Variants in PRKCA observed in about 807,000 individuals in gnomAD.
The protein encoded by PRKCA is protein kinase C alpha.
A neutral mutation model predicts 87.0 loss-of-function variants in PRKCA; 27 were observed. The ratio of observed to expected loss-of-function variants is 0.31; its 90% CI spans 0.23 to 0.43. The LOEUF (loss-of-function observed/expected upper bound fraction) is 0.43. PRKCA is among the 20% of genes least tolerant of loss of function. The probability of loss-of-function intolerance (pLI) is 1.00; values close to 1 mark genes in which losing one functional copy is unlikely to be tolerated. For synonymous variants in PRKCA, 329 were observed against 311.1 expected, an observed-to-expected ratio of 1.06 and a Z score of -0.61; for missense variants, 518 against 852.3, an observed-to-expected ratio of 0.61 and a Z score of 4.88.
At chr17:66,387,999 C>T (rs987308579) in intron 2 of PRKCA, among the ~76,000 whole-genome samples, 6 of 152,194 alleles carry the variant, frequency 3.9e-5, no homozygotes, top group Non-Finnish European at 5.9e-5. Context: ...TTGGCATTTT[C>T]CTTTCCTGGT....
At chr17:66,797,217 A>G (rs1423781956) in intron 16 of PRKCA, among the ~76,000 whole-genome samples, 2 of 152,144 alleles carry the variant, frequency 1.3e-5, no homozygotes, top group East Asian at 3.9e-4. Flanking sequence ...TCACAGAATG[A>G]AAGGGGCTGT....
chr17:66,621,475 A>G (rs764758705), intron 3 of PRKCA, among the ~76,000 whole-genome samples: 7 of 152,192 alleles, frequency 4.6e-5, no homozygotes, highest in Non-Finnish European at 1.0e-4. Flanking sequence ...TAATCAATTC[A>G]ATCATACCAC....
chr17:66,640,870 C>T (rs1971275014), intron 3 of PRKCA: 2 of 425,668 alleles, frequency 4.7e-6, no homozygotes, highest in Admixed American at 2.6e-5. Flanking sequence ...TATATTAAAA[C>T]ATGATGCGGG....
At chr17:66,652,762 T>G (rs1179140427) in intron 5 of PRKCA, among the ~76,000 whole-genome samples, 2 of 152,134 alleles carry the variant, frequency 1.3e-5, no homozygotes, top group East Asian at 1.9e-4. Context: ...TCTGTAGAGG[T>G]CATTCTTGGC....
intron 5 of PRKCA, among the ~76,000 whole-genome samples, chr17:66,673,507 ATTCTTG>A (rs1372895629): frequency 9.2e-5 from 14 of 152,352 alleles, no homozygotes; most frequent in Admixed American, 7.2e-4. Flanking sequence ...GTATCTCATT[ATTCTTG>A]CCTTTGTCTC....
intron 3 of PRKCA, among the ~76,000 whole-genome samples, chr17:66,630,743 G>A (rs775973509): frequency 6.6e-6 from 1 of 152,218 alleles, no homozygotes; most frequent in Admixed American, 6.5e-5. Context: ...CAAGGTGGAC[G>A]GTTTCATTGG....
At chr17:66,670,818 C>A (rs1201839958) in intron 5 of PRKCA, among the ~76,000 whole-genome samples, 2 of 151,910 alleles carry the variant, frequency 1.3e-5, no homozygotes, top group Non-Finnish European at 2.9e-5. Context: ...GCCATGATCA[C>A]ACTACTACAC....
chr17:66,641,225 G>A, intron 3 of PRKCA, 130 bp from the exon 4 acceptor site: 1 of 574,916 alleles, frequency 1.7e-6, no homozygotes, highest in Non-Finnish European at 3.2e-6. Flanking sequence ...TGACTCCAGA[G>A]AATGATGCAC....
At chr17:66,766,101 G>A (rs1021326619) in intron 13 of PRKCA, among the ~76,000 whole-genome samples, 1 of 152,190 alleles carries the variant, frequency 6.6e-6, no homozygotes, top group East Asian at 1.9e-4. Flanking sequence ...CTGAGCAGGC[G>A]GGCTCTATGC....
chr17:66,634,621 A>T (rs1356727476), intron 3 of PRKCA, among the ~76,000 whole-genome samples: 1 of 152,180 alleles, frequency 6.6e-6, no homozygotes, highest in Admixed American at 6.5e-5. Context: ...TTTGTTAAGG[A>T]TTTAGTAGTT....
intron 2 of PRKCA, among the ~76,000 whole-genome samples, chr17:66,488,257 T>C (rs1465435911): frequency 1.3e-5 from 2 of 152,220 alleles, no homozygotes; most frequent in Non-Finnish European, 2.9e-5. Flanking sequence ...TAAAAGCGTG[T>C]ATGATATGAC....
intron 13 of PRKCA, among the ~76,000 whole-genome samples, chr17:66,749,759 C>T (rs1974388801): frequency 6.6e-6 from 1 of 152,084 alleles, no homozygotes; most frequent in South Asian, 2.1e-4. Context: ...CGCAGGAGGA[C>T]AGAGATGAAG....
chr17:66,414,505 G>A (rs1912018735), intron 2 of PRKCA, among the ~76,000 whole-genome samples: 1 of 152,112 alleles, frequency 6.6e-6, no homozygotes, highest in African/African-American at 2.4e-5. Flanking sequence ...CCAGTCTCAG[G>A]TATTTCCTTA....
chr17:66,782,609 A>C (rs1005650175), intron 14 of PRKCA, among the ~76,000 whole-genome samples: 129 of 152,192 alleles, frequency 8.5e-4, no homozygotes, highest in African/African-American at 2.7e-3. Flanking sequence ...GATGACTTGA[A>C]ACATCTCAGG....
At chr17:66,721,694 G>A (rs981219325) in intron 8 of PRKCA, among the ~76,000 whole-genome samples, 1 of 152,200 alleles carries the variant, frequency 6.6e-6, no homozygotes, top group African/African-American at 2.4e-5. Context: ...AAGGAAGCCA[G>A]AGGGTCGCTT....
At chr17:66,496,004 G>C (rs1422677427) in intron 2 of PRKCA, among the ~76,000 whole-genome samples, 197 bp from the exon 3 acceptor site, 1 of 152,060 alleles carries the variant, frequency 6.6e-6, no homozygotes, top group Non-Finnish European at 1.5e-5. Flanking sequence ...TGGCATTTTG[G>C]GACTCTGTTA....
At chr17:66,773,939 G>T (rs1158182468) in intron 13 of PRKCA, 48 bp from the exon 14 acceptor site, 1 of 1,611,134 alleles carries the variant, frequency 6.2e-7, no homozygotes, top group Non-Finnish European at 8.5e-7. Context: ...TCTGACAGGG[G>T]CTATTGGACT....
At chr17:66,477,458 G>C (rs1423054271) in intron 2 of PRKCA, among the ~76,000 whole-genome samples, 1 of 152,108 alleles carries the variant, frequency 6.6e-6, no homozygotes, top group Non-Finnish European at 1.5e-5. Context: ...CCAGCACTTT[G>C]GGAGACTGAG....
At chr17:66,367,268 T>G (rs916543125) in intron 2 of PRKCA, among the ~76,000 whole-genome samples, 1 of 152,208 alleles carries the variant, frequency 6.6e-6, no homozygotes, top group Non-Finnish European at 1.5e-5. Context: ...TCAGCACAAG[T>G]GCGCAGGCCT....
Sources: allele counts gnomAD v4.1 joint callset (sites outside exome capture counted in the v4.1 genomes callset), GRCh38; gene constraint gnomAD v4.1.1; transcripts MANE v1.5; gene names NCBI Gene and HGNC (gene_info 2026-07-23, HGNC 2026-07-21).